PDE3A: variants seen among roughly 807,000 people sequenced by gnomAD.
The protein encoded by PDE3A is cGMP-inhibited 3',5'-cyclic phosphodiesterase 3A.
PDE3A carries 43 observed loss-of-function variants against 98.3 expected under a neutral mutation model. The ratio of observed to expected loss-of-function variants is 0.44; its 90% CI spans 0.34 to 0.56. The LOEUF (loss-of-function observed/expected upper bound fraction) is 0.56. Among genes scored for constraint, PDE3A ranks in the 20% least tolerant of loss-of-function variants. PDE3A has a pLI of 0.01. For missense variants in PDE3A, 1,427 were observed against 1,440.7 expected (o/e 0.99, Z 0.15); for synonymous variants, 663 against 567.9 (o/e 1.17, Z -2.38).
intron 1 of PDE3A, among the ~76,000 whole-genome samples, chr12:20,452,614 T>A (rs1276400510): frequency 6.6e-6 from 1 of 152,198 alleles, no homozygotes. Flanking sequence ...AATAAAACAT[T>A]TGCTATATTT....
At chr12:20,679,599 C>T (rs1446023279) in intron 15 of PDE3A, among the ~76,000 whole-genome samples, 1 of 152,002 alleles carries the variant, frequency 6.6e-6, no homozygotes, top group Non-Finnish European at 1.5e-5. Context: ...TCAAAACCAT[C>T]TTTAAATATA....
chr12:20,452,969 C>T (rs1002738729), intron 1 of PDE3A, among the ~76,000 whole-genome samples: 2 of 152,188 alleles, frequency 1.3e-5, no homozygotes, highest in African/African-American at 4.8e-5. Flanking sequence ...TTCCTCAATG[C>T]TGTCTTGATA....
Position 20,431,349 on chromosome 12 carries a change from G to A in PDE3A, c.960+61105G>A, listed in dbSNP as rs150187355. On this transcript the variant is annotated intron_variant, in intron 1 of 15. Coordinates refer to ENST00000359062, the MANE Select transcript of PDE3A (RefSeq NM_000921.5). Reference sequence around the variant, plus strand: ...CTTCACAGAAATGTTGTTCGGCCATGTATGTTCATGAGGGAAAAAAGTTCT... The same window carrying A: ...CTTCACAGAAATGTTGTTCGGCCATATATGTTCATGAGGGAAAAAAGTTCT... Among the ~76,000 whole-genome samples, 845 of 152,238 alleles carry A rather than the reference G, an allele frequency of 5.6e-3. 8 individuals carry two copies. Among genetic ancestry groups the A allele is most frequent in the African/African-American group, 0.018 (739 of 41,554 alleles).
chr12:20,668,326 T>C (rs931125986), intron 15 of PDE3A, among the ~76,000 whole-genome samples: 1 of 152,112 alleles, frequency 6.6e-6, no homozygotes, highest in Admixed American at 6.5e-5. Context: ...GCCAGGAAGC[T>C]CGAACTGGGT....
At chr12:20,644,784 T>G (rs532588985) in intron 10 of PDE3A, among the ~76,000 whole-genome samples, 4 of 151,846 alleles carry the variant, frequency 2.6e-5, no homozygotes, top group Admixed American at 2.6e-4. Flanking sequence ...AGTTTTGCTA[T>G]TTTCTCCTCA....
chr12:20,463,464 T>C (rs1003634607), intron 1 of PDE3A, among the ~76,000 whole-genome samples: 12 of 152,214 alleles, frequency 7.9e-5, no homozygotes, highest in Non-Finnish European at 1.8e-4. Flanking sequence ...ATACTTGTTA[T>C]TTATTGCTCA....
Position 20,639,956 on chromosome 12 carries a change from T to G in PDE3A, c.2250T>G (p.Pro750=). ...HALEIGYRDI[P]YHNRIHATDV... ...TGGAGATTGGATATAGGGATATTCC[T>G]TGTAAGTATATGTGATTTGTGAAAT... The change falls in exon 10 of 16, where the codon CCT becomes CCG. Residue 750 remains proline, a splice_region_variant and synonymous_variant. Coordinates refer to ENST00000359062, the MANE Select transcript of PDE3A (RefSeq NM_000921.5). 3 of 1,220,564 alleles carry G rather than the reference T, an allele frequency of 2.5e-6. No homozygotes were observed. Among genetic ancestry groups the G allele is most frequent in the African/African-American group, 3.0e-5 (2 of 67,498 alleles). 75.6% of individuals were successfully genotyped at this position (1,220,564 alleles called of 1,614,324 possible).
chr12:20,564,381 G>C (rs1942605815), intron 2 of PDE3A, among the ~76,000 whole-genome samples: 1 of 152,144 alleles, frequency 6.6e-6, no homozygotes, highest in South Asian at 2.1e-4. Flanking sequence ...GTAGGAAAAT[G>C]AGAACATGTT....
In PDE3A at chr12:20,680,379, T is replaced by C. The variant is rs1337253266; in HGVS notation, c.*108T>C. The C allele has an allele frequency of 6.2e-6, 7 of 1,127,756 alleles. No homozygotes were observed. Among genetic ancestry groups the C allele is most frequent in the Non-Finnish European group, 2.5e-6 (2 of 785,722 alleles). The allele number at this position is 1,127,756 out of a possible 1,614,324, so 69.9% of individuals were successfully genotyped here. A position where few individuals can be genotyped will look rare whatever the true frequency, so the allele number is the denominator to read the frequency against. ...ACTGTAGAAATTTGAGATGGGCAAA[T>C]GGCTATTGCATTTTGGGATTCTTCG... On this transcript the variant is annotated 3_prime_UTR_variant, in exon 16 of 16. Coordinates refer to ENST00000359062, the MANE Select transcript of PDE3A (RefSeq NM_000921.5).
chr12:20,505,161 G>C (rs1429180489), intron 1 of PDE3A, among the ~76,000 whole-genome samples: 1 of 152,002 alleles, frequency 6.6e-6, no homozygotes, highest in Non-Finnish European at 1.5e-5. Context: ...ACTTTCTATA[G>C]TCCTATATTT....
intron 15 of PDE3A, among the ~76,000 whole-genome samples, chr12:20,676,402 G>A (rs994736962): frequency 4.0e-5 from 6 of 151,572 alleles, no homozygotes; most frequent in Admixed American, 3.3e-4. Flanking sequence ...TGGACTGAAT[G>A]ATTTCTGCTG....
intron 6 of PDE3A, among the ~76,000 whole-genome samples, chr12:20,633,041 C>A (rs943890529): frequency 1.3e-4 from 20 of 149,810 alleles, no homozygotes; most frequent in Non-Finnish European, 2.7e-4. Context: ...GCCTCCATCT[C>A]CCAGGTTCAA....
intron 2 of PDE3A, among the ~76,000 whole-genome samples, chr12:20,600,114 T>G (rs1943554744): frequency 6.6e-6 from 1 of 152,196 alleles, no homozygotes; most frequent in African/African-American, 2.4e-5. Context: ...TGATTATGGC[T>G]CTAGCCTCAG....
chr12:20,519,284 C>G (rs1437645800), intron 1 of PDE3A, among the ~76,000 whole-genome samples: 1 of 152,160 alleles, frequency 6.6e-6, no homozygotes, highest in Non-Finnish European at 1.5e-5. Context: ...CAAATTATGA[C>G]TGGTGCCCCC....
intron 2 of PDE3A, among the ~76,000 whole-genome samples, chr12:20,610,652 G>A (rs893751269): frequency 2.6e-5 from 4 of 151,838 alleles, no homozygotes; most frequent in Non-Finnish European, 5.9e-5. Context: ...AGAAAACATG[G>A]TATGTATATA....
chr12:20,524,968 C>T lies in PDE3A; in HGVS notation c.961-31692C>T, dbSNP rs1946488738. 3.3e-5 allele frequency among the ~76,000 whole-genome samples: 5 copies of T among 152,280 alleles called. No homozygotes were observed. In the South Asian group the frequency reaches 1.0e-3, roughly 32 times the overall value. ...TGACCAACACGGAGAAACCCCGTCTCTGCTAAAAATACAAAAAGCCAGACA... is the reference window on the plus strand; with the variant it reads ...TGACCAACACGGAGAAACCCCGTCTTTGCTAAAAATACAAAAAGCCAGACA... On this transcript the variant is annotated intron_variant, in intron 1 of 15. Transcript: ENST00000359062.
chr12:20,624,005 T>A (rs1944200508), intron 5 of PDE3A, among the ~76,000 whole-genome samples: 1 of 152,128 alleles, frequency 6.6e-6, no homozygotes, highest in Admixed American at 6.6e-5. Flanking sequence ...CAGACAGTAA[T>A]AATACGTAAT....
chr12:20,501,858 T>C (rs1946031590), intron 1 of PDE3A, among the ~76,000 whole-genome samples: 1 of 152,162 alleles, frequency 6.6e-6, no homozygotes, highest in African/African-American at 2.4e-5. Context: ...AAGCTGTCAT[T>C]ATTCCAGTCT....
chr12:20,485,395 A>G (rs1279349860), intron 1 of PDE3A, among the ~76,000 whole-genome samples: 1 of 152,190 alleles, frequency 6.6e-6, no homozygotes, highest in Admixed American at 6.5e-5. Flanking sequence ...CTATTTTCAA[A>G]TAAGGTCATG....
Sources: gnomAD v4.1 joint callset for allele counts (sites outside exome capture counted in the v4.1 genomes callset) on GRCh38, gnomAD v4.1.1 for gene constraint, MANE v1.5 for transcripts, NCBI Gene and HGNC (gene_info 2026-07-23, HGNC 2026-07-21) for gene names.